RABEP1: variants seen among roughly 807,000 people sequenced by gnomAD.
The protein encoded by RABEP1 is rabaptin, RAB GTPase binding effector protein 1, also known as rab GTPase-binding effector protein 1.
In RABEP1, 51 loss-of-function variants were observed where a neutral mutation model predicts 123.4. The observed-to-expected ratio is 0.41, with a 90% CI of 0.33 to 0.52. The LOEUF (loss-of-function observed/expected upper bound fraction) is 0.52, where lower values mean the gene tolerates loss of function less well. Among genes scored for constraint, RABEP1 ranks in the 20% least tolerant of loss-of-function variants. The pLI is 0.16. For synonymous variants in RABEP1, 347 were observed against 355.2 expected (o/e 0.98, Z 0.26); for missense variants, 888 against 996.3 (o/e 0.89, Z 1.46).
intron 1 of RABEP1, among the ~76,000 whole-genome samples, chr17:5,291,697 A>T (rs2075035133): frequency 6.6e-6 from 1 of 152,142 alleles, no homozygotes; most frequent in South Asian, 2.1e-4. Context: ...CACTTGGGTC[A>T]GGAGTTTGAG....
In RABEP1 at chr17:5,381,465, A is replaced by G. The variant is rs1433406251; in HGVS notation, c.2447A>G (p.Gln816Arg). The G allele has an allele frequency of 6.2e-7, 1 of 1,613,734 alleles. No individual in the cohort carries two copies. The highest frequency in any genetic ancestry group is 8.5e-7 in the Non-Finnish European group (1 of 1,179,774). Reference protein sequence around the residue: ...RLQTELDVSEQVQRDFVKLSQ... With the variant: ...RLQTELDVSERVQRDFVKLSQ... ...CAGACAGAATTAGATGTCAGTGAGC[A>G]AGTCCAGAGGGATTTTGTAAAGCTT... The change falls in exon 17 of 18, where the codon CAA becomes CGA. Residue 816 changes from glutamine (Q) to arginine (R), a missense_variant. Gln to Arg is a conservative substitution (Grantham distance 43). Coordinates refer to ENST00000537505, the MANE Select transcript of RABEP1 (RefSeq NM_004703.6).
At chr17:5,295,735 T>G (rs1387734940) in intron 1 of RABEP1, among the ~76,000 whole-genome samples, 1 of 152,228 alleles carries the variant, frequency 6.6e-6, no homozygotes, top group African/African-American at 2.4e-5. Flanking sequence ...TTTTTCTGTG[T>G]GTTACACGTT....
chr17:5,292,279 C>T (rs1236800827), intron 1 of RABEP1, among the ~76,000 whole-genome samples: 1 of 152,030 alleles, frequency 6.6e-6, no homozygotes, highest in African/African-American at 2.4e-5. Flanking sequence ...GGCTTTTGTT[C>T]ATTTTTTTCC....
chr17:5,362,981 G>A lies in RABEP1; in HGVS notation c.1633G>A (p.Gly545Arg). The part of the protein sequence containing the change: ...MCSNYEKQLQ[G>R]IQIQEAETRD... ...TTCCAATTACGAAAAACAGTTACAA[G>A]GAATTCAGATTCAGGAGGCTGAAAC... Residue 545 changes from glycine (G) to arginine (R), a missense_variant, in exon 10 of 18, where the codon GGA becomes AGA. Transcript: ENST00000537505. 1 of 1,613,724 alleles carries A rather than the reference G, an allele frequency of 6.2e-7. No homozygotes were observed. The highest frequency in any genetic ancestry group is 8.5e-7 in the Non-Finnish European group (1 of 1,179,636).
intron 1 of RABEP1, among the ~76,000 whole-genome samples, chr17:5,296,617 T>TC (rs1351174991): frequency 6.6e-6 from 1 of 152,196 alleles, no homozygotes; most frequent in African/African-American, 2.4e-5. Flanking sequence ...TTCATTTTTT[T>TC]CTATGTTGAG....
At chr17:5,346,484 C>A (rs935047055) in intron 5 of RABEP1, among the ~76,000 whole-genome samples, 1 of 152,120 alleles carries the variant, frequency 6.6e-6, no homozygotes, top group Non-Finnish European at 1.5e-5. Context: ...GAAACAGATA[C>A]ATGCATATGT....
chr17:5,345,063 A>G (rs1416400445), intron 5 of RABEP1, among the ~76,000 whole-genome samples: 2 of 152,252 alleles, frequency 1.3e-5, no homozygotes, highest in African/African-American at 4.8e-5. Flanking sequence ...GATAGTCAAC[A>G]TTCAACCACA....
intron 11 of RABEP1, among the ~76,000 whole-genome samples, chr17:5,366,783 A>G (rs1910030573): frequency 6.6e-6 from 1 of 151,746 alleles, no homozygotes; most frequent in Non-Finnish European, 1.5e-5. Context: ...AATGAACAGA[A>G]GTCCTTAATA....
chr17:5,334,956 G>A (rs113941136), intron 3 of RABEP1, among the ~76,000 whole-genome samples: 2 of 152,154 alleles, frequency 1.3e-5, no homozygotes, highest in African/African-American at 2.4e-5. Flanking sequence ...TTTCTCCTTC[G>A]TAAAATAATA....
chr17:5,315,642 G>A (rs1837102302), intron 2 of RABEP1, among the ~76,000 whole-genome samples: 1 of 152,188 alleles, frequency 6.6e-6, no homozygotes. Flanking sequence ...CTTGAGGTCA[G>A]GAGTTTGAGA....
At chr17:5,301,142 T>C (rs545559669) in intron 1 of RABEP1, among the ~76,000 whole-genome samples, 2 of 152,320 alleles carry the variant, frequency 1.3e-5, no homozygotes, top group East Asian at 3.9e-4. Flanking sequence ...AGAAATTCAC[T>C]TTAATGCTGT....
At chr17:5,296,098 T>A (rs2075081051) in intron 1 of RABEP1, among the ~76,000 whole-genome samples, 1 of 152,152 alleles carries the variant, frequency 6.6e-6, no homozygotes, top group Admixed American at 6.6e-5. Flanking sequence ...GATTTCTGGA[T>A]GTTTGTTTTT....
chr17:5,300,718 C>T (rs916122191), intron 1 of RABEP1, among the ~76,000 whole-genome samples: 1 of 152,168 alleles, frequency 6.6e-6, no homozygotes, highest in Non-Finnish European at 1.5e-5. Context: ...TATGAGCAGT[C>T]TTTAAGAGTA....
chr17:5,363,037 C>T, intron 10 of RABEP1, 21 bp downstream of exon 10: 1 of 1,554,800 alleles, frequency 6.4e-7, no homozygotes. Context: ...TCTGGATGCG[C>T]CAAATTGGAT....
chr17:5,312,797 T>C (rs1474724884), intron 2 of RABEP1, among the ~76,000 whole-genome samples: 3 of 152,178 alleles, frequency 2.0e-5, no homozygotes, highest in Non-Finnish European at 4.4e-5. Context: ...CAAGATGTAT[T>C]GTGTGTCACA....
chr17:5,367,335 G>A (rs909845154), intron 11 of RABEP1, among the ~76,000 whole-genome samples: 3 of 151,394 alleles, frequency 2.0e-5, no homozygotes, highest in Non-Finnish European at 2.9e-5. Context: ...GCAGTGGCAC[G>A]ATCTTGGCTC....
intron 2 of RABEP1, among the ~76,000 whole-genome samples, chr17:5,322,869 G>A (rs575734629): frequency 1.3e-5 from 2 of 152,262 alleles, no homozygotes; most frequent in Admixed American, 6.5e-5. Context: ...GAGGCCAGGA[G>A]TTTGAGACCA....
chr17:5,346,872 A>G lies in RABEP1; in HGVS notation c.731A>G (p.Gln244Arg). ...ATGTATGTAGCTGTTTTGAATACTC[A>G]GAAATCTGTTCTACAGGAAGATGCT... ...LEMYVAVLNT[Q>R]KSVLQEDAEK... Residue 244 changes from glutamine to arginine, a missense_variant, in exon 6 of 18, where the codon CAG becomes CGG. Gln to Arg is a conservative substitution (Grantham distance 43). Coordinates refer to ENST00000537505, the MANE Select transcript of RABEP1 (RefSeq NM_004703.6). 4 of 1,609,802 alleles carry G rather than the reference A, an allele frequency of 2.5e-6. No individual in the cohort carries two copies. Among genetic ancestry groups the G allele is most frequent in the Non-Finnish European group, 3.4e-6 (4 of 1,177,428 alleles).
chr17:5,293,619 C>G (rs1344000157), intron 1 of RABEP1, among the ~76,000 whole-genome samples: 1 of 152,076 alleles, frequency 6.6e-6, no homozygotes, highest in Non-Finnish European at 1.5e-5. Flanking sequence ...GTTGCCCTGG[C>G]TGGTCTCAAA....
Sources: gnomAD v4.1 joint callset for allele counts (sites outside exome capture counted in the v4.1 genomes callset) on GRCh38, gnomAD v4.1.1 for gene constraint, MANE v1.5 for transcripts, NCBI Gene and HGNC (gene_info 2026-07-23, HGNC 2026-07-21) for gene names.